The following B3GLCT variants were observed in gnomAD, a reference collection of about 807,000 sequenced individuals.
The protein encoded by B3GLCT is beta-1,3-glucosyltransferase.
A neutral mutation model predicts 63.4 loss-of-function variants in B3GLCT; 65 were observed. The ratio of observed to expected loss-of-function variants is 1.03; its 90% CI spans 0.84 to 1.26. The LOEUF (loss-of-function observed/expected upper bound fraction) is 1.26, where lower values mean the gene tolerates loss of function less well. Ranked by LOEUF, B3GLCT falls within the 50% of genes most tolerant of loss-of-function variation. The pLI, the probability that B3GLCT is intolerant of heterozygous loss-of-function variation, is 0.00. For missense variants in B3GLCT, 577 were observed against 604.8 expected (o/e 0.95, Z 0.48); for synonymous variants, 233 against 219.2 (o/e 1.06, Z -0.55).
chr13:31,241,195 CT>C (rs1162268636), intron 4 of B3GLCT, among the ~76,000 whole-genome samples: 2 of 152,356 alleles, frequency 1.3e-5, no homozygotes, highest in Non-Finnish European at 2.9e-5. Context: ...AGTCTACACC[CT>C]GTGTCTGGAG....
At chr13:31,288,112 T>C (rs1873439180) in intron 12 of B3GLCT, among the ~76,000 whole-genome samples, 1 of 152,076 alleles carries the variant, frequency 6.6e-6, no homozygotes. Context: ...TGTAAACCCA[T>C]AGATCCAAGA....
In B3GLCT at chr13:31,329,782, C is replaced by G; in HGVS notation, c.*114C>G. The G allele has an allele frequency of 8.2e-7, 1 of 1,213,072 alleles. No individual in the cohort carries two copies. The highest frequency in any genetic ancestry group is 1.2e-6 in the Non-Finnish European group (1 of 837,248). The allele number at this position is 1,213,072 out of a possible 1,614,324, so 75.1% of individuals were successfully genotyped here. ...TCTGCCACATGGCATTGGGTGCTTC[C>G]TGACTTTAGGGGGAGATTTTATGTA... On this transcript the variant is annotated 3_prime_UTR_variant, in exon 15 of 15. Coordinates refer to ENST00000343307, the MANE Select transcript of B3GLCT (RefSeq NM_194318.4).
At chr13:31,227,114 A>G (rs921353384) in intron 3 of B3GLCT, among the ~76,000 whole-genome samples, 1 of 152,214 alleles carries the variant, frequency 6.6e-6, no homozygotes, top group Non-Finnish European at 1.5e-5. Context: ...CTGGATTGAT[A>G]CATGTAGTAC....
chr13:31,272,430 C>A (rs953204859), intron 8 of B3GLCT, among the ~76,000 whole-genome samples: 3 of 151,978 alleles, frequency 2.0e-5, no homozygotes, highest in Admixed American at 6.6e-5. Flanking sequence ...CTTGGCCAGG[C>A]TGGTCTTGAA....
At chr13:31,235,137 A>G (rs1421892228) in intron 4 of B3GLCT, among the ~76,000 whole-genome samples, 1 of 152,050 alleles carries the variant, frequency 6.6e-6, no homozygotes, top group Non-Finnish European at 1.5e-5. Context: ...AGATGGACCC[A>G]GGCTGGAGAG....
intron 7 of B3GLCT, among the ~76,000 whole-genome samples, chr13:31,268,097 TTGCCTCCCAAAG>T (rs1872417532): frequency 6.6e-6 from 1 of 152,040 alleles, no homozygotes; most frequent in African/African-American, 2.4e-5. Flanking sequence ...CCTCCTGCCT[TTGCCTCCCAAAG>T]TGCTGGGATT....
At chr13:31,295,504 TC>T (rs748661786) in intron 12 of B3GLCT, among the ~76,000 whole-genome samples, 28 of 152,278 alleles carry the variant, frequency 1.8e-4, no homozygotes, top group Non-Finnish European at 4.0e-4. Context: ...CATTTAGAGA[TC>T]CCCTGCCCAG....
At chr13:31,276,573 T>C (rs573027110) in intron 9 of B3GLCT, 129 bp from the exon 10 acceptor site, 20 of 711,404 alleles carry the variant, frequency 2.8e-5, no homozygotes, top group Non-Finnish European at 5.0e-5. Context: ...CCCTAAAACT[T>C]TATGCCGGAA....
intron 1 of B3GLCT, among the ~76,000 whole-genome samples, chr13:31,209,004 C>T (rs924076615): frequency 6.6e-5 from 10 of 152,190 alleles, no homozygotes; most frequent in Non-Finnish European, 1.3e-4. Flanking sequence ...GGGTCACTCC[C>T]TCTTCTGAGG....
chr13:31,254,786 TCA>T (rs1871641552), intron 6 of B3GLCT, among the ~76,000 whole-genome samples: 1 of 152,246 alleles, frequency 6.6e-6, no homozygotes, highest in South Asian at 2.1e-4. Context: ...GTGCAGGGAC[TCA>T]CACCTGTAAT....
chr13:31,284,194 C>T (rs1277345861), intron 10 of B3GLCT, among the ~76,000 whole-genome samples: 2 of 152,182 alleles, frequency 1.3e-5, no homozygotes, highest in African/African-American at 2.4e-5. Context: ...CAGTGATTCT[C>T]ATTTGGCAAG....
At chr13:31,243,570 A>G (rs541837558) in intron 4 of B3GLCT, among the ~76,000 whole-genome samples, 13 of 152,308 alleles carry the variant, frequency 8.5e-5, no homozygotes, top group Admixed American at 7.8e-4. Flanking sequence ...ACCCTTCTCC[A>G]TTCTAAAAAT....
rs1238107508 is a variant in B3GLCT at position 31,261,032 on chromosome 13, G to A, written c.546G>A (p.Lys182=). 1.9e-6 allele frequency: 3 copies of A among 1,613,488 alleles called. No homozygotes were observed. The highest frequency in any genetic ancestry group is 2.5e-6 in the Non-Finnish European group (3 of 1,179,874). ...YAFSENPTVF[K]YPDFAAGWAL... ...TTTCCGAGAATCCTACAGTTTTTAAGTATCCAGACTTTGCTGCAGGCTGGG... is the reference window on the plus strand; with the variant it reads ...TTTCCGAGAATCCTACAGTTTTTAAATATCCAGACTTTGCTGCAGGCTGGG... Residue 182 remains lysine (K), a synonymous_variant, in exon 7 of 15, where the codon AAG becomes AAA. Transcript: ENST00000343307.
At chr13:31,285,961 A>G (rs1248934907) in intron 11 of B3GLCT, among the ~76,000 whole-genome samples, 1 of 152,190 alleles carries the variant, frequency 6.6e-6, no homozygotes, top group Non-Finnish European at 1.5e-5. Context: ...AAAAATACAC[A>G]GAGATCAAGA....
At chr13:31,257,828 T>G (rs780719388) in intron 6 of B3GLCT, among the ~76,000 whole-genome samples, 1 of 152,194 alleles carries the variant, frequency 6.6e-6, no homozygotes, top group African/African-American at 2.4e-5. Context: ...TTTAAATCTT[T>G]CCTGGACTTG....
intron 12 of B3GLCT, 31 bp from the exon 13 acceptor site, chr13:31,317,535 A>G (rs1200876051): frequency 6.2e-7 from 1 of 1,613,504 alleles, no homozygotes; most frequent in South Asian, 1.1e-5. Context: ...GAATCAAATA[A>G]TCATGATTTG....
At position 31,283,977 on chromosome 13, in the gene B3GLCT, G is replaced by A. The variant is rs554137724; in HGVS notation, c.851-671G>A. ...GTCAGGTGAATTAATATCAAGTAGT[G>A]GTAAGTCTATATGTCAGGTATGCAG... On this transcript the variant is annotated intron_variant, in intron 10 of 14. Transcript: ENST00000343307. Among the ~76,000 whole-genome samples the A allele has an allele frequency of 2.6e-5, 4 of 152,278 alleles. No individual in the cohort carries two copies. In the South Asian group the frequency reaches 8.3e-4, roughly 32 times the overall value.
chr13:31,249,734 T>C (rs901041527), intron 6 of B3GLCT, among the ~76,000 whole-genome samples: 1 of 152,196 alleles, frequency 6.6e-6, no homozygotes, highest in Admixed American at 6.5e-5. Context: ...AAAAAAACCA[T>C]CCAGGATGCT....
At chr13:31,261,803 T>C (rs1337745945) in intron 7 of B3GLCT, among the ~76,000 whole-genome samples, 1 of 152,220 alleles carries the variant, frequency 6.6e-6, no homozygotes, top group Non-Finnish European at 1.5e-5. Context: ...GAAAATCTTA[T>C]TAGCCCATTG....
Sources: gnomAD v4.1 joint callset for allele counts (sites outside exome capture counted in the v4.1 genomes callset) on GRCh38, gnomAD v4.1.1 for gene constraint, MANE v1.5 for transcripts, NCBI Gene and HGNC (gene_info 2026-07-23, HGNC 2026-07-21) for gene names.